The following AHCYL2 variants were observed in gnomAD, a reference collection of about 807,000 sequenced individuals.
AHCYL2 encodes the protein S-adenosylhomocysteine hydrolase-like protein 2.
A neutral mutation model predicts 81.4 loss-of-function variants in AHCYL2; 28 were observed. The observed-to-expected ratio is 0.34, with a 90% CI of 0.25 to 0.47. The LOEUF is 0.47. Among genes scored for constraint, AHCYL2 ranks in the 20% least tolerant of loss-of-function variants. The probability of loss-of-function intolerance (pLI) is 1.00; values close to 1 mark genes in which losing one functional copy is unlikely to be tolerated. For synonymous variants in AHCYL2, 272 were observed against 290.2 expected (o/e 0.94, Z 0.64); for missense variants, 551 against 785.1 (o/e 0.70, Z 3.56).
intron 1 of AHCYL2, among the ~76,000 whole-genome samples, chr7:129,254,964 C>G (rs933004048): frequency 6.6e-6 from 1 of 152,088 alleles, no homozygotes; most frequent in Admixed American, 6.6e-5. Flanking sequence ...ATTAAATTTT[C>G]TAATAGTAGC....
intron 1 of AHCYL2, among the ~76,000 whole-genome samples, chr7:129,349,287 G>T (rs1793467335): frequency 6.6e-6 from 1 of 151,884 alleles, no homozygotes; most frequent in African/African-American, 2.4e-5. Context: ...TTTAGGTAGA[G>T]ACCTAAATCT....
chr7:129,334,611 A>G (rs1798530587), intron 1 of AHCYL2, among the ~76,000 whole-genome samples: 1 of 152,186 alleles, frequency 6.6e-6, no homozygotes, highest in African/African-American at 2.4e-5. Context: ...CCCTGCTAAC[A>G]AAGTACACTT....
In AHCYL2 at chr7:129,363,789, C is replaced by T. The variant is rs190182687; in HGVS notation, c.364-15849C>T. Reference sequence around the variant, plus strand: ...CTGGCCTTAAGTGATCCACCCGCCTCGGCCTCCCAAAGTGCTGGGATTACA... The same window carrying T: ...CTGGCCTTAAGTGATCCACCCGCCTTGGCCTCCCAAAGTGCTGGGATTACA... On this transcript the variant is annotated intron_variant, in intron 1 of 16. Transcript: ENST00000325006. 3.3e-5 allele frequency among the ~76,000 whole-genome samples: 5 copies of T among 152,194 alleles called. No individual in the cohort carries two copies. The East Asian group carries it at 5.8e-4, about 18-fold the overall frequency.
chr7:129,377,569 A>G lies in AHCYL2; in HGVS notation c.364-2069A>G, dbSNP rs117846628. 1.2e-3 allele frequency: 551 copies of G among 456,674 alleles called. 4 individuals are homozygous for G. The East Asian group carries it at 0.029, about 24-fold the overall frequency. 28.3% of individuals were successfully genotyped at this position (456,674 alleles called of 1,614,324 possible). On this transcript the variant is annotated intron_variant, in intron 1 of 16. Coordinates refer to ENST00000325006, the MANE Select transcript of AHCYL2 (RefSeq NM_015328.4). ...AGTGGAGCCGTCAGTTCCTGCTTTC[A>G]TTCTGGTGTACTGTATGTTCTGCCC...
chr7:129,231,110 C>T (rs1049488257), intron 1 of AHCYL2, among the ~76,000 whole-genome samples: 6 of 151,878 alleles, frequency 4.0e-5, no homozygotes, highest in African/African-American at 1.5e-4. Flanking sequence ...TGCACTCCTA[C>T]AGTTCCAGCT....
At chr7:129,288,375 T>A (rs1019581061) in intron 1 of AHCYL2, among the ~76,000 whole-genome samples, 1 of 152,330 alleles carries the variant, frequency 6.6e-6, no homozygotes, top group South Asian at 2.1e-4. Flanking sequence ...TTTTATTTTA[T>A]TTTATTGAGA....
intron 4 of AHCYL2, among the ~76,000 whole-genome samples, chr7:129,394,551 G>A (rs565624014): frequency 9.5e-5 from 14 of 147,626 alleles, no homozygotes; most frequent in East Asian, 2.1e-4. Flanking sequence ...GGGATCAAGC[G>A]ATTCTCCTGC....
intron 1 of AHCYL2, among the ~76,000 whole-genome samples, chr7:129,242,544 C>T (rs933953290): frequency 2.1e-4 from 32 of 152,066 alleles, no homozygotes; most frequent in Non-Finnish European, 2.6e-4. Flanking sequence ...AGTGAAACCC[C>T]GTCTCTACTA....
chr7:129,250,911 C>T (rs919877404), intron 1 of AHCYL2, among the ~76,000 whole-genome samples: 3 of 152,170 alleles, frequency 2.0e-5, no homozygotes, highest in African/African-American at 7.2e-5. Context: ...TCTAAATTTG[C>T]AGTTCATGGT....
intron 1 of AHCYL2, among the ~76,000 whole-genome samples, chr7:129,281,172 AT>A (rs1796431129): frequency 6.6e-6 from 1 of 152,002 alleles, no homozygotes. Context: ...CCATTGATTC[AT>A]TTTTAAATGT....
chr7:129,336,405 A>G (rs147563449), intron 1 of AHCYL2, among the ~76,000 whole-genome samples: 43 of 152,062 alleles, frequency 2.8e-4, no homozygotes, highest in Non-Finnish European at 5.7e-4. Flanking sequence ...TTGAAGCACA[A>G]CCAAGCAAAA....
At chr7:129,375,080 C>T (rs960934913) in intron 1 of AHCYL2, among the ~76,000 whole-genome samples, 4 of 152,008 alleles carry the variant, frequency 2.6e-5, no homozygotes, top group Non-Finnish European at 4.4e-5. Context: ...CCTTTGTAGT[C>T]GTCCCTTCCA....
chr7:129,362,549 A>G (rs1793965362), intron 1 of AHCYL2, among the ~76,000 whole-genome samples: 1 of 150,324 alleles, frequency 6.7e-6, no homozygotes, highest in South Asian at 2.1e-4. Context: ...TTTAGCCTCC[A>G]TAATAAGCTG....
At chr7:129,308,671 T>G (rs1332231911) in intron 1 of AHCYL2, among the ~76,000 whole-genome samples, 1 of 152,228 alleles carries the variant, frequency 6.6e-6, no homozygotes, top group Non-Finnish European at 1.5e-5. Context: ...CAGGAGAAGA[T>G]TCTTTATGTT....
chr7:129,429,909 A>G lies in AHCYL2; in HGVS notation c.*2864A>G, dbSNP rs576492304. ...ATTAACTTTGCCGTGGTTTTTAAAA[A>G]GGAATCAAAATGCATTGTTGCATTA... On this transcript the variant is annotated 3_prime_UTR_variant, in exon 17 of 17. Transcript: ENST00000325006. The G allele has an allele frequency of 6.5e-6, 1 of 152,676 alleles. No homozygotes were observed. The highest frequency in any genetic ancestry group is 1.9e-4 in the East Asian group (1 of 5,188). 9.5% of individuals were successfully genotyped at this position (152,676 alleles called of 1,614,324 possible). A position where few individuals can be genotyped will look rare whatever the true frequency, so the allele number is the denominator to read the frequency against.
Position 129,409,490 on chromosome 7 carries a change from G to T in AHCYL2, c.1310G>T (p.Arg437Leu), listed in dbSNP as rs745705126. 3 of 1,613,716 alleles carry T rather than the reference G, an allele frequency of 1.9e-6. No individual in the cohort carries two copies. Among genetic ancestry groups the T allele is most frequent in the Admixed American group, 3.3e-5 (2 of 59,994 alleles). Residue 437 changes from arginine (R) to leucine (L), a missense_variant, in exon 11 of 17, where the codon CGA becomes CTA. Arg to Leu is a moderately radical substitution (Grantham distance 102). Transcript: ENST00000325006. Reference protein sequence around the residue: ...CALQACMDGFRLVKLNEVIRQ... With the variant: ...CALQACMDGFLLVKLNEVIRQ... ...TATTTCAACAGTATGGATGGATTTC[G>T]ACTGGTGAAATTAAATGAGGTCATC... is the stretch of plus-strand genomic sequence containing the variant.
At chr7:129,314,754 C>T (rs2718098) in intron 1 of AHCYL2, among the ~76,000 whole-genome samples, 133,114 of 152,186 alleles carry the variant, frequency 0.87, 58,563 homozygotes, top group East Asian at 0.98. Context: ...ATAGGACACA[C>T]TCTAGGCACT....
chr7:129,328,343 A>G (rs576229797), intron 1 of AHCYL2, among the ~76,000 whole-genome samples: 83 of 140,502 alleles, frequency 5.9e-4, no homozygotes, highest in Non-Finnish European at 1.1e-3. Context: ...ACGCCCGGCT[A>G]ATTTTTGTAC....
chr7:129,301,223 A>G (rs1033628549), intron 1 of AHCYL2, among the ~76,000 whole-genome samples: 1 of 152,102 alleles, frequency 6.6e-6, no homozygotes, highest in Non-Finnish European at 1.5e-5. Context: ...TTTTGTTTCC[A>G]TAGGGTTGTT....
Sources: allele counts gnomAD v4.1 joint callset (sites outside exome capture counted in the v4.1 genomes callset), GRCh38; gene constraint gnomAD v4.1.1; transcripts MANE v1.5; gene names NCBI Gene and HGNC (gene_info 2026-07-23, HGNC 2026-07-21).